CANT1: variants seen among roughly 807,000 people sequenced by gnomAD.
CANT1 encodes soluble calcium-activated nucleotidase 1.
A neutral mutation model predicts 30.0 loss-of-function variants in CANT1; 26 were observed. The observed-to-expected ratio is 0.87, with a 90% confidence interval of 0.64 to 1.20. CANT1 has a LOEUF of 1.20. Ranked by LOEUF, CANT1 falls within the 50% of genes most tolerant of loss-of-function variation. The pLI is 0.00. For synonymous variants in CANT1, 246 were observed against 251.8 expected, an observed-to-expected ratio of 0.98 and a Z score of 0.22; for missense variants, 518 against 563.0, an observed-to-expected ratio of 0.92 and a Z score of 0.81.
At position 78,995,076 on chromosome 17, in the gene CANT1, G is replaced by A. The variant is rs747656222; in HGVS notation, c.777C>T (p.His259=). The A allele has an allele frequency of 5.6e-6, 9 of 1,608,648 alleles. No individual in the cohort carries two copies. The highest frequency in any genetic ancestry group is 3.4e-5 in the Admixed American group (2 of 59,376). The part of the protein sequence containing the change: ...KVVGYKGSVD[H]ENWVSNYNAL... ...CGTTGTAGTTGGACACCCAGTTCTC[G>A]TGGTCCACGCTGCCCTTGTAGCCCA... The change falls in exon 4 of 5, where the codon CAC becomes CAT. Residue 259 remains histidine, a synonymous_variant. Transcript: ENST00000392446. The surrounding 1 kb of genome is among the most constrained non-coding windows in gnomAD (Gnocchi z 5.7).
chr17:78,996,785 G>C lies in CANT1; in HGVS notation c.631+207C>G, dbSNP rs2071048102. 6.6e-6 allele frequency among the ~76,000 whole-genome samples: 1 copy of C among 152,210 alleles called. No homozygotes were observed. The highest frequency in any genetic ancestry group is 1.5e-5 in the Non-Finnish European group (1 of 68,032). On this transcript the variant is annotated intron_variant, in intron 3 of 4. Coordinates refer to ENST00000392446, the MANE Select transcript of CANT1 (RefSeq NM_001159773.2). This position sits in a 1 kb window ranked among gnomAD's most constrained non-coding sequence, Gnocchi z 5.1. The stretch of plus-strand genomic sequence containing the variant: ...CTCTAGCGATAAGCTCTTCCTCCTA[G>C]AAACTGCTCAGTGTGAAGTGACAGT...
Position 78,997,674 on chromosome 17 carries a change from C to T in CANT1, c.-22-30G>A. 2 of 1,498,560 alleles carry T rather than the reference C, an allele frequency of 1.3e-6. No homozygotes were observed. The highest frequency in any genetic ancestry group is 1.8e-6 in the Non-Finnish European group (2 of 1,122,990). 92.8% of individuals were successfully genotyped at this position (1,498,560 alleles called of 1,614,324 possible). The stretch of plus-strand genomic sequence containing the variant: ...ACAGCCAGGGAGGGAGGAGAGGAGT[C>T]AGCGCCTCCGCAAGCCCAGTCACAT... On this transcript the variant is annotated intron_variant, in intron 2 of 4. Transcript: ENST00000392446. The surrounding 1 kb of genome is among the most constrained non-coding windows in gnomAD (Gnocchi z 7.5).
Position 78,993,442 on chromosome 17 carries a change from T to C in CANT1, c.*108A>G. On this transcript the variant is annotated 3_prime_UTR_variant, in exon 5 of 5. Transcript: ENST00000392446. The surrounding 1 kb of genome is among the most constrained non-coding windows in gnomAD (Gnocchi z 4.5). ...CGGGACTGGGCTCCCTGTCCAGACC[T>C]CCAACCCAGGCACAGTTCCAAAAAG... 1.9e-6 allele frequency: 3 copies of C among 1,542,140 alleles called. No individual in the cohort carries two copies. The highest frequency in any genetic ancestry group is 2.7e-6 in the Non-Finnish European group (3 of 1,130,436).
chr17:79,009,382 TG>T (rs1483802825), intron 1 of CANT1, among the ~76,000 whole-genome samples: 2 of 152,130 alleles, frequency 1.3e-5, no homozygotes, highest in Non-Finnish European at 2.9e-5. Flanking sequence ...CAGAGGGTAA[TG>T]GTCCCCACGC....
chr17:79,001,529 C>G (rs1343132068), intron 1 of CANT1, among the ~76,000 whole-genome samples: 1 of 152,174 alleles, frequency 6.6e-6, no homozygotes, highest in Non-Finnish European at 1.5e-5. Flanking sequence ...AAGGAAAACC[C>G]TTCCCTGAGT....
chr17:79,006,780 C>T (rs997038094), intron 1 of CANT1, among the ~76,000 whole-genome samples: 1 of 152,222 alleles, frequency 6.6e-6, no homozygotes, highest in Non-Finnish European at 1.5e-5. Flanking sequence ...GGGATCATCG[C>T]CCCATGGACC....
chr17:79,004,212 G>A (rs1599244541), intron 1 of CANT1, among the ~76,000 whole-genome samples: 1 of 42,986 alleles, frequency 2.3e-5, no homozygotes, highest in African/African-American at 8.8e-5. Context: ...GTTAGGGAGG[G>A]GAGTTAGGGA....
rs570749683 is a variant in CANT1, at chr17:78,996,608, T to G, written c.631+384A>C. On this transcript the variant is annotated intron_variant, in intron 3 of 4. Coordinates refer to ENST00000392446, the MANE Select transcript of CANT1 (RefSeq NM_001159773.2). The surrounding 1 kb of genome is among the most constrained non-coding windows in gnomAD (Gnocchi z 5.1). ...TTTGAGTGAGAACCATCTGTCCCCA[T>G]GGCTTTCAGGGCAAGGCTCCTGGTA... Among the ~76,000 whole-genome samples, 105 of 152,272 alleles carry G rather than the reference T, an allele frequency of 6.9e-4. No homozygotes were observed. The highest frequency in any genetic ancestry group is 6.6e-4 in the Non-Finnish European group (45 of 68,004).
At position 78,993,426 on chromosome 17, in the gene CANT1, G is replaced by GCTCC; in HGVS notation, c.*120_*123dup. The GCTCC allele has an allele frequency of 6.9e-7, 1 of 1,442,498 alleles. No individual in the cohort carries two copies. Among genetic ancestry groups the GCTCC allele is most frequent in the Non-Finnish European group, 9.5e-7 (1 of 1,048,998 alleles). The allele number at this position is 1,442,498 out of a possible 1,614,324, so 89.4% of individuals were successfully genotyped here. ...GCACCACTATGGGGCCCGGGACTGGGCTCCCTGTCCAGACCTCCAACCCAG... is the reference window on the plus strand; with the variant it reads ...GCACCACTATGGGGCCCGGGACTGGGCTCCCTCCCTGTCCAGACCTCCAACCCAG... On this transcript the variant is annotated 3_prime_UTR_variant, in exon 5 of 5. Transcript: ENST00000392446. The surrounding 1 kb of genome is among the most constrained non-coding windows in gnomAD (Gnocchi z 4.5).
intron 4 of CANT1, among the ~76,000 whole-genome samples, chr17:78,994,138 C>T (rs2070941529): frequency 6.6e-6 from 1 of 151,734 alleles, no homozygotes; most frequent in African/African-American, 2.4e-5. Flanking sequence ...TTGAAGCCTC[C>T]TCCCGTTCCA....
Position 78,993,633 on chromosome 17 carries a change from T to C in CANT1, c.1123A>G (p.Met375Val). Reference sequence around the variant, plus strand: ...AAGCGCCCGTCCAGCGTGAAGGCCATGATGTAGGAGGCGACTCTGCCGCTG... The same window carrying C: ...AAGCGCCCGTCCAGCGTGAAGGCCACGATGTAGGAGGCGACTCTGCCGCTG... ...EDSGRVASYI[M>V]AFTLDGRFLL... The change falls in exon 5 of 5, where the codon ATG becomes GTG. Residue 375 changes from methionine to valine, a missense_variant. Met to Val is a conservative substitution (Grantham distance 21). Around this residue, in one of 3 missense-constraint regions of CANT1, gnomAD observed 221 missense variants for 211.8 expected, o/e 1.04. Transcript: ENST00000392446. This position sits in a 1 kb window ranked among gnomAD's most constrained non-coding sequence, Gnocchi z 4.5. 4 of 1,614,234 alleles carry C rather than the reference T, an allele frequency of 2.5e-6. No individual in the cohort carries two copies. Among genetic ancestry groups the C allele is most frequent in the East Asian group, 2.2e-5 (1 of 44,878 alleles).
At position 78,993,730 on chromosome 17, in the gene CANT1, G is replaced by A. The variant is rs755288092; in HGVS notation, c.1026C>T (p.His342=). 7 of 1,614,010 alleles carry A rather than the reference G, an allele frequency of 4.3e-6. No individual in the cohort carries two copies. The Admixed American group carries it at 5.0e-5, about 12-fold the overall frequency. The change falls in exon 5 of 5, where the codon CAC becomes CAT. Residue 342 remains histidine (H), a synonymous_variant. Coordinates refer to ENST00000392446, the MANE Select transcript of CANT1 (RefSeq NM_001159773.2). The surrounding 1 kb of genome is among the most constrained non-coding windows in gnomAD (Gnocchi z 4.5). ...VSHVGAVVPT[H]GFSSFKFIPN... ...GGATGAACTTGAAGGACGAGAAGCC[G>A]TGAGTGGGGACCACCGCCCCGACGT...
chr17:79,006,903 G>T (rs1048265500), intron 1 of CANT1, among the ~76,000 whole-genome samples: 1 of 152,114 alleles, frequency 6.6e-6, no homozygotes, highest in Non-Finnish European at 1.5e-5. Flanking sequence ...CACAAAGGCC[G>T]AATCGCCAGG....
Position 78,996,831 on chromosome 17 carries a change from G to A in CANT1, c.631+161C>T. On this transcript the variant is annotated intron_variant, in intron 3 of 4. Coordinates refer to ENST00000392446, the MANE Select transcript of CANT1 (RefSeq NM_001159773.2). This position sits in a 1 kb window ranked among gnomAD's most constrained non-coding sequence, Gnocchi z 5.1. The stretch of plus-strand genomic sequence containing the variant: ...ACAGTAGGCTATGCTCCTGGCTAAG[G>A]GTAAGGGGGCCGCAGGTCAGAGCAA... 2 of 981,848 alleles carry A rather than the reference G, an allele frequency of 2.0e-6. No individual in the cohort carries two copies. Among genetic ancestry groups the A allele is most frequent in the Non-Finnish European group, 1.6e-6 (1 of 618,798 alleles). The allele number at this position is 981,848 out of a possible 1,614,324, so 60.8% of individuals were successfully genotyped here.
In CANT1 at chr17:78,996,896, G is replaced by T; in HGVS notation, c.631+96C>A. 1 of 1,530,988 alleles carries T rather than the reference G, an allele frequency of 6.5e-7. No individual in the cohort carries two copies. 94.8% of individuals were successfully genotyped at this position (1,530,988 alleles called of 1,614,324 possible). Reference sequence around the variant, plus strand: ...CCCTCACCACATCCCTGGCTTCTAGGTGTGTGAATTCTTTACCATGTGCCT... The same window carrying T: ...CCCTCACCACATCCCTGGCTTCTAGTTGTGTGAATTCTTTACCATGTGCCT... On this transcript the variant is annotated intron_variant, in intron 3 of 4. Coordinates refer to ENST00000392446, the MANE Select transcript of CANT1 (RefSeq NM_001159773.2). The surrounding 1 kb of genome is among the most constrained non-coding windows in gnomAD (Gnocchi z 5.1).
rs894013745 is a variant in CANT1, at chr17:78,993,913, G to A, written c.843C>T (p.Leu281=). The A allele has an allele frequency of 3.2e-6, 5 of 1,581,580 alleles. No individual in the cohort carries two copies. The highest frequency in any genetic ancestry group is 3.4e-6 in the Non-Finnish European group (4 of 1,170,932). The change falls in exon 5 of 5, where the codon CTC becomes CTT. Residue 281 remains leucine, a synonymous_variant. Transcript: ENST00000392446. This position sits in a 1 kb window ranked among gnomAD's most constrained non-coding sequence, Gnocchi z 4.5. ...AAAGIQPPGY[L]IHESACWSDT... Reference sequence around the variant, plus strand: ...CACTCCAGCAGGCAGACTCATGGATGAGGTAGCCTGGGAACCGGGTGACCG... The same window carrying A: ...CACTCCAGCAGGCAGACTCATGGATAAGGTAGCCTGGGAACCGGGTGACCG...
At position 78,992,639 on chromosome 17, in the gene CANT1, G is replaced by A. The variant is rs748954399; in HGVS notation, c.*911C>T. On this transcript the variant is annotated 3_prime_UTR_variant, in exon 5 of 5. Transcript: ENST00000392446. ...TCACAGAAGTCTTGAAAGGCATGAG[G>A]ATTTCTGACAGTTCCTAGAAAAAGG... The A allele has an allele frequency of 3.6e-6, 2 of 560,062 alleles. No homozygotes were observed. The highest frequency in any genetic ancestry group is 4.2e-5 in the Admixed American group (2 of 47,868). The allele number at this position is 560,062 out of a possible 1,614,324, so 34.7% of individuals were successfully genotyped here. A position where few individuals can be genotyped will look rare whatever the true frequency, so the allele number is the denominator to read the frequency against.
rs1050646158 is a variant in CANT1 at position 78,997,848 on chromosome 17, G to A, written c.-31C>T. On this transcript the variant is annotated 5_prime_UTR_variant, in exon 2 of 5. Transcript: ENST00000392446. This position sits in a 1 kb window ranked among gnomAD's most constrained non-coding sequence, Gnocchi z 7.5. ...GCAGTATCTTTGCTTACTTTCATTCGGCAAGACGTGAAGTCTTTCCACAGC... is the reference window on the plus strand; with the variant it reads ...GCAGTATCTTTGCTTACTTTCATTCAGCAAGACGTGAAGTCTTTCCACAGC... 4 of 471,776 alleles carry A rather than the reference G, an allele frequency of 8.5e-6. No individual in the cohort carries two copies. Among genetic ancestry groups the A allele is most frequent in the South Asian group, 5.4e-5 (1 of 18,648 alleles). 29.2% of individuals were successfully genotyped at this position (471,776 alleles called of 1,614,324 possible).
chr17:78,994,025 G>C lies in CANT1; in HGVS notation c.836-105C>G. ...GCAGGCAAGGGGCTGCGACCACCAG[G>C]GCCCACCAGCTCACAGCAACCCGCC... On this transcript the variant is annotated intron_variant, in intron 4 of 4. Transcript: ENST00000392446. 2.1e-6 allele frequency: 3 copies of C among 1,433,160 alleles called. No individual in the cohort carries two copies. The South Asian group carries it at 4.1e-5, about 20-fold the overall frequency. 88.8% of individuals were successfully genotyped at this position (1,433,160 alleles called of 1,614,324 possible). A position where few individuals can be genotyped will look rare whatever the true frequency, so the allele number is the denominator to read the frequency against.
Sources: allele counts gnomAD v4.1 joint callset (sites outside exome capture counted in the v4.1 genomes callset), GRCh38; gene constraint gnomAD v4.1.1; regional missense constraint gnomAD v4.1.1; non-coding constraint Gnocchi (gnomAD v3.1); transcripts MANE v1.5; gene names NCBI Gene and HGNC (gene_info 2026-07-23, HGNC 2026-07-21).